MAT1A: variants seen among roughly 807,000 people sequenced by gnomAD.
MAT1A encodes methionine adenosyltransferase 1A, also known as S-adenosylmethionine synthase isoform type-1.
Under a neutral mutation model 44.0 loss-of-function variants are expected in MAT1A, and 19 were observed. The observed-to-expected ratio is 0.43, with a 90% confidence interval of 0.30 to 0.63. MAT1A has a LOEUF of 0.63. Ranked by LOEUF, MAT1A falls within the 30% of genes least tolerant of loss-of-function variation. MAT1A has a pLI of 0.12. For missense variants in MAT1A, 397 were observed against 531.0 expected (o/e 0.75, Z 2.48); for synonymous variants, 205 against 205.6 (o/e 1.00, Z 0.03).
rs2132712332 is a variant in MAT1A, at chr10:80,289,514, T to TTCTTCA, written c.-92_-91insTGAAGA. On this transcript the variant is annotated 5_prime_UTR_variant, in exon 1 of 9. The change creates a new upstream start codon in the 5' untranslated region. Transcript: ENST00000372213. ...TTTTTTTTTCTTCTTCTTCTTCTTC[T>TTCTTCA]TTCAACCCAACAGGCTTGTCTTTGG... The TTCTTCA allele has an allele frequency of 9.8e-7, 1 of 1,024,638 alleles. No individual in the cohort carries two copies. Among genetic ancestry groups the TTCTTCA allele is most frequent in the Non-Finnish European group, 1.5e-6 (1 of 649,444 alleles). 63.5% of individuals were successfully genotyped at this position (1,024,638 alleles called of 1,614,324 possible).
chr10:80,283,624 T>G (rs762625769), intron 3 of MAT1A, among the ~76,000 whole-genome samples: 6 of 152,386 alleles, frequency 3.9e-5, no homozygotes, highest in Admixed American at 1.3e-4. Flanking sequence ...GCCCCCTTTA[T>G]TCAGTGCATC....
At chr10:80,285,712 C>CT in intron 1 of MAT1A, 123 bp from the exon 2 acceptor site, 1 of 711,794 alleles carries the variant, frequency 1.4e-6, no homozygotes, top group Non-Finnish European at 2.5e-6. Flanking sequence ...AGGGAAAACA[C>CT]TTTTTTTAAG....
intron 3 of MAT1A, among the ~76,000 whole-genome samples, chr10:80,283,206 G>T (rs78998845): frequency 6.6e-6 from 1 of 152,176 alleles, no homozygotes; most frequent in Non-Finnish European, 1.5e-5. Flanking sequence ...CAGGCCCTCC[G>T]CACCTGGTGT....
chr10:80,285,718 TTAAGTA>T, intron 1 of MAT1A, 129 bp from the exon 2 acceptor site: 1 of 700,212 alleles, frequency 1.4e-6, no homozygotes, highest in Middle Eastern at 2.8e-4. Flanking sequence ...AACACTTTTT[TTAAGTA>T]TAAGAAATTA....
intron 3 of MAT1A, among the ~76,000 whole-genome samples, chr10:80,281,668 C>T (rs2132706921): frequency 1.3e-5 from 2 of 152,334 alleles, no homozygotes; most frequent in East Asian, 3.9e-4. Context: ...CATCTATTCT[C>T]CTACCCACAC....
chr10:80,277,631 A>T (rs1841508567), intron 5 of MAT1A, among the ~76,000 whole-genome samples: 1 of 152,052 alleles, frequency 6.6e-6, no homozygotes, highest in Admixed American at 6.5e-5. Context: ...TCTGTGGCAG[A>T]CTCTAGGACT....
intron 5 of MAT1A, 105 bp from the exon 6 acceptor site, chr10:80,276,699 C>A: frequency 1.0e-6 from 1 of 1,001,846 alleles, no homozygotes. Flanking sequence ...CTCCCAGGAG[C>A]CAAGTGGGGC....
At chr10:80,283,436 T>C (rs953507221) in intron 3 of MAT1A, among the ~76,000 whole-genome samples, 20 of 152,252 alleles carry the variant, frequency 1.3e-4, no homozygotes, top group African/African-American at 4.1e-4. Context: ...TGATTGCAAG[T>C]AGGTTTAGTG....
Position 80,276,457 on chromosome 10 carries a change from G to C in MAT1A, c.687C>G (p.Ala229=). The change falls in exon 6 of 9, where the codon GCC becomes GCG. Residue 229 remains alanine (A), a synonymous_variant. Coordinates refer to ENST00000372213, the MANE Select transcript of MAT1A (RefSeq NM_000429.3). ...CGTCCAGGTACTTGGCCGGCACCAC[G>C]GCCCTGATGACTTGCTCCTTCAGGG... ...RRALKEQVIR[A]VVPAKYLDED... is the part of the protein sequence containing the mutation. The C allele has an allele frequency of 1.2e-6, 2 of 1,614,180 alleles. No homozygotes were observed. Among genetic ancestry groups the C allele is most frequent in the Middle Eastern group, 1.6e-4 (1 of 6,062 alleles).
chr10:80,277,026 T>G (rs936346663), intron 5 of MAT1A, among the ~76,000 whole-genome samples: 9 of 152,234 alleles, frequency 5.9e-5, no homozygotes, highest in African/African-American at 2.2e-4. Context: ...GTAAATGTCT[T>G]GGTCAAGATC....
intron 1 of MAT1A, among the ~76,000 whole-genome samples, chr10:80,287,157 C>T (rs1344362182): frequency 2.0e-5 from 3 of 152,316 alleles, no homozygotes; most frequent in Admixed American, 6.5e-5. Flanking sequence ...TCTGCCTGTG[C>T]AGACACAGCT....
intron 3 of MAT1A, among the ~76,000 whole-genome samples, chr10:80,282,156 C>A (rs2132707256): frequency 6.6e-6 from 1 of 152,298 alleles, no homozygotes; most frequent in African/African-American, 2.4e-5. Flanking sequence ...TTTCAGTTTA[C>A]CTAATCACTG....
At chr10:80,274,215 A>G (rs1189209250) in intron 8 of MAT1A, among the ~76,000 whole-genome samples, 2 of 152,200 alleles carry the variant, frequency 1.3e-5, no homozygotes, top group African/African-American at 2.4e-5. Context: ...ATTCCCAGCC[A>G]TTTGAGCTAT....
chr10:80,282,316 G>A (rs1841577776), intron 3 of MAT1A, among the ~76,000 whole-genome samples: 2 of 152,184 alleles, frequency 1.3e-5, no homozygotes, highest in South Asian at 4.1e-4. Context: ...GAGCAACGAG[G>A]AGCCACTGGC....
At chr10:80,284,079 GC>G (rs1220000709) in intron 2 of MAT1A, 41 bp from the exon 3 acceptor site, 2 of 1,608,674 alleles carry the variant, frequency 1.2e-6, no homozygotes, top group East Asian at 4.5e-5. Context: ...GCAGCCAAGT[GC>G]CAGCAAAGGG....
At chr10:80,280,445 A>G in intron 4 of MAT1A, 129 bp from the exon 5 acceptor site, 1 of 1,212,022 alleles carries the variant, frequency 8.3e-7, no homozygotes, top group African/African-American at 1.5e-5. Flanking sequence ...TTCCACTGGC[A>G]TGTGCAGGGG....
chr10:80,279,729 A>T (rs956949281), intron 5 of MAT1A, among the ~76,000 whole-genome samples: 1 of 58,970 alleles, frequency 1.7e-5, no homozygotes, highest in Non-Finnish European at 3.0e-5. Flanking sequence ...AAAAAGGGTC[A>T]TGATGAGACA....
At chr10:80,286,902 A>T (rs1160362455) in intron 1 of MAT1A, among the ~76,000 whole-genome samples, 1 of 152,204 alleles carries the variant, frequency 6.6e-6, no homozygotes. Flanking sequence ...TCCTTTAGAA[A>T]CTACTGCTAA....
At chr10:80,280,622 G>T in intron 4 of MAT1A, 58 bp downstream of exon 4, 3 of 1,441,532 alleles carry the variant, frequency 2.1e-6, no homozygotes, top group Non-Finnish European at 2.9e-6. Flanking sequence ...TTAACCCACT[G>T]CTCATGAACT....
Sources: gnomAD v4.1 joint callset for allele counts (sites outside exome capture counted in the v4.1 genomes callset) on GRCh38, gnomAD v4.1.1 for gene constraint, MANE v1.5 for transcripts, NCBI Gene and HGNC (gene_info 2026-07-23, HGNC 2026-07-21) for gene names.